The following KCNMB2 variants were observed in gnomAD, a reference collection of about 807,000 sequenced individuals.
KCNMB2 encodes the protein potassium calcium-activated channel subfamily M regulatory beta subunit 2.
A neutral mutation model predicts 24.5 loss-of-function variants in KCNMB2; 9 were observed. The observed-to-expected ratio is 0.37, with a 90% CI of 0.22 to 0.64. The LOEUF is 0.64. Ranked by LOEUF, KCNMB2 falls within the 30% of genes least tolerant of loss-of-function variation. The probability of loss-of-function intolerance (pLI) is 0.63; values close to 1 mark genes in which losing one functional copy is unlikely to be tolerated. For synonymous variants in KCNMB2, 109 were observed against 104.4 expected (o/e 1.04, Z -0.27); for missense variants, 226 against 284.3 (o/e 0.79, Z 1.47).
chr3:178,756,863 A>AT (rs1724067335), intron 1 of KCNMB2, among the ~76,000 whole-genome samples: 2 of 152,090 alleles, frequency 1.3e-5, no homozygotes, highest in South Asian at 2.1e-4. Flanking sequence ...TAACACATGC[A>AT]TTTTTTCCAT....
chr3:178,656,228 T>C (rs573461326), intron 1 of KCNMB2, among the ~76,000 whole-genome samples: 1 of 152,294 alleles, frequency 6.6e-6, no homozygotes, highest in East Asian at 1.9e-4. Context: ...TAAATGCAAA[T>C]AGAATTATTT....
intron 1 of KCNMB2, among the ~76,000 whole-genome samples, chr3:178,805,698 C>T (rs991911193): frequency 5.3e-5 from 8 of 152,018 alleles, no homozygotes; most frequent in African/African-American, 1.9e-4. Flanking sequence ...GACACAACCA[C>T]GGCTCACTGC....
intron 1 of KCNMB2, among the ~76,000 whole-genome samples, chr3:178,702,003 C>T (rs996319102): frequency 6.6e-6 from 1 of 151,958 alleles, no homozygotes; most frequent in Non-Finnish European, 1.5e-5. Flanking sequence ...TGCGGCACTA[C>T]TCACAATAGC....
At chr3:178,566,803 T>C (rs774092191) in intron 1 of KCNMB2, among the ~76,000 whole-genome samples, 1 of 152,224 alleles carries the variant, frequency 6.6e-6, no homozygotes, top group African/African-American at 2.4e-5. Context: ...CAGTGCACAC[T>C]TTGCAAAAGT....
At chr3:178,682,068 A>G (rs965378669) in intron 1 of KCNMB2, among the ~76,000 whole-genome samples, 7 of 152,054 alleles carry the variant, frequency 4.6e-5, no homozygotes. Flanking sequence ...AATGTTCCCC[A>G]TCCCCATAGG....
intron 1 of KCNMB2, chr3:178,748,287 A>G (rs980515256): frequency 4.6e-5 from 7 of 152,226 alleles, no homozygotes; most frequent in African/African-American, 1.4e-4. Flanking sequence ...TTGTTCACCC[A>G]AATATAATAA....
intron 1 of KCNMB2, among the ~76,000 whole-genome samples, chr3:178,592,023 A>G (rs1235528142): frequency 1.3e-5 from 2 of 152,120 alleles, no homozygotes; most frequent in Non-Finnish European, 2.9e-5. Context: ...TTTTAGCCCA[A>G]TGTGAATTTT....
intron 1 of KCNMB2, among the ~76,000 whole-genome samples, chr3:178,598,532 C>G (rs189626484): frequency 2.2e-3 from 339 of 151,884 alleles, no homozygotes; most frequent in African/African-American, 8.0e-3. Context: ...AGAAAGAAAG[C>G]TATGATTACA....
intron 1 of KCNMB2, among the ~76,000 whole-genome samples, chr3:178,736,847 T>C (rs902022008): frequency 1.3e-5 from 2 of 152,198 alleles, no homozygotes; most frequent in African/African-American, 4.8e-5. Context: ...ATGTCCCTGG[T>C]CAGGTAATTA....
At chr3:178,702,731 T>C (rs537131041) in intron 1 of KCNMB2, among the ~76,000 whole-genome samples, 3 of 152,366 alleles carry the variant, frequency 2.0e-5, no homozygotes, top group African/African-American at 7.2e-5. Context: ...TCAAGGGATA[T>C]GAACCGAGTC....
chr3:178,812,222 T>C (rs1302289427), intron 2 of KCNMB2, among the ~76,000 whole-genome samples: 1 of 152,150 alleles, frequency 6.6e-6, no homozygotes, highest in Non-Finnish European at 1.5e-5. Flanking sequence ...TTGATAAATA[T>C]ATTAATATGT....
intron 1 of KCNMB2, among the ~76,000 whole-genome samples, chr3:178,691,105 G>GTTTTTTTTTTTTTTT (rs1310077931): frequency 3.0e-5 from 1 of 32,958 alleles, no homozygotes; most frequent in African/African-American, 2.3e-4. Context: ...TCCCCATTAA[G>GTTTTTTTTTTTTTTT]TCTTTTTTTT....
At chr3:178,579,314 A>G (rs1026592720) in intron 1 of KCNMB2, among the ~76,000 whole-genome samples, 10 of 152,224 alleles carry the variant, frequency 6.6e-5, no homozygotes, top group African/African-American at 2.2e-4. Flanking sequence ...AAGTTCTTTG[A>G]AACTAATGAG....
chr3:178,586,409 T>C (rs903961648), intron 1 of KCNMB2, among the ~76,000 whole-genome samples: 2 of 152,166 alleles, frequency 1.3e-5, no homozygotes, highest in Non-Finnish European at 2.9e-5. Context: ...TAGTCAGCAT[T>C]ATATTTTAGC....
chr3:178,556,571 A>T lies in KCNMB2; in HGVS notation c.-68+19860A>T, dbSNP rs1716131710. Among the ~76,000 whole-genome samples, 4 of 152,028 alleles carry T rather than the reference A, an allele frequency of 2.6e-5. 1 individual carries two copies. In the South Asian group the frequency reaches 8.3e-4, roughly 32 times the overall value. ...AGGCGCCTGCCACCACGCCCAGCTA[A>T]TTTTTTTGTATTTTTAGTAGAGATG... On this transcript the variant is annotated intron_variant, in intron 1 of 4. Transcript: ENST00000452583.
At chr3:178,677,681 G>C (rs1191073404) in intron 1 of KCNMB2, among the ~76,000 whole-genome samples, 1 of 152,174 alleles carries the variant, frequency 6.6e-6, no homozygotes, top group Non-Finnish European at 1.5e-5. Context: ...AATTCAGAGA[G>C]CAAGCTTTAT....
chr3:178,708,064 C>T (rs375245301), intron 1 of KCNMB2, among the ~76,000 whole-genome samples: 2 of 152,158 alleles, frequency 1.3e-5, no homozygotes, highest in East Asian at 3.9e-4. Flanking sequence ...CTCAAATAAA[C>T]TCTTTAAAAT....
At chr3:178,722,447 A>C (rs1722837775) in intron 1 of KCNMB2, among the ~76,000 whole-genome samples, 1 of 152,194 alleles carries the variant, frequency 6.6e-6, no homozygotes, top group Admixed American at 6.6e-5. Flanking sequence ...CCATGGTGGA[A>C]GGCAAGAGGG....
chr3:178,585,175 C>T lies in KCNMB2; in HGVS notation c.-68+48464C>T, dbSNP rs188116607. Among the ~76,000 whole-genome samples the T allele has an allele frequency of 7.9e-5, 12 of 152,230 alleles. No individual in the cohort carries two copies. In the East Asian group the frequency reaches 1.2e-3, roughly 15 times the overall value. ...AGCAGATTATTCTCCTGGCAAATAG[C>T]GACTCTAGAAACGCTTATGTTTTTC... On this transcript the variant is annotated intron_variant, in intron 1 of 4. Transcript: ENST00000452583.
Sources: allele counts gnomAD v4.1 joint callset (sites outside exome capture counted in the v4.1 genomes callset), GRCh38; gene constraint gnomAD v4.1.1; transcripts MANE v1.5; gene names NCBI Gene and HGNC (gene_info 2026-07-23, HGNC 2026-07-21).